The following ATAD2B variants were observed in gnomAD, a reference collection of about 807,000 sequenced individuals.
ATAD2B encodes the protein ATPase family AAA domain containing 2B, also known as ATPase family AAA domain-containing protein 2B.
In ATAD2B, 40 loss-of-function variants were observed where a neutral mutation model predicts 167.6. The ratio of observed to expected loss-of-function variants is 0.24; its 90% CI spans 0.19 to 0.31. The LOEUF (loss-of-function observed/expected upper bound fraction) is 0.31, where lower values mean the gene tolerates loss of function less well. Ranked by LOEUF, ATAD2B falls within the 10% of genes least tolerant of loss-of-function variation. ATAD2B has a pLI of 1.00. For synonymous variants in ATAD2B, 579 were observed against 596.5 expected, an observed-to-expected ratio of 0.97 and a Z score of 0.43; for missense variants, 1,242 against 1,757.2, an observed-to-expected ratio of 0.71 and a Z score of 5.24.
At chr2:23,732,802 C>T in the ATAD2B span, among the ~76,000 whole-genome samples, 1 of 152,286 alleles carries the variant, frequency 6.6e-6, no homozygotes, top group East Asian at 1.9e-4. Flanking sequence ...TATCACTCCT[C>T]TTTCCCATCT....
At chr2:23,725,705 C>T in the ATAD2B span, among the ~76,000 whole-genome samples, 56 of 152,064 alleles carry the variant, frequency 3.7e-4, no homozygotes, top group African/African-American at 1.3e-3. Context: ...CGAAAGAATC[C>T]AGAGGAATAA....
At chr2:23,878,012 AAG>A (rs1491035495) in intron 7 of ATAD2B, among the ~76,000 whole-genome samples, 4,382 of 79,724 alleles carry the variant, frequency 0.055, 815 homozygotes, top group South Asian at 0.079. Context: ...CCTATCTCCA[AAG>A]AAAAAAAAAA....
At chr2:23,754,446 A>C (rs1675717175) in intron 26 of ATAD2B, 139 bp from the exon 27 acceptor site, 6 of 1,151,488 alleles carry the variant, frequency 5.2e-6, no homozygotes, top group Non-Finnish European at 7.2e-6. Context: ...TTGAGGGCTT[A>C]AAATCATTCC....
At chr2:23,807,964 ATATAT>A (rs1441188845) in intron 18 of ATAD2B, among the ~76,000 whole-genome samples, 1 of 129,440 alleles carries the variant, frequency 7.7e-6, no homozygotes, top group African/African-American at 3.0e-5. Context: ...TTTATAATAT[ATATAT>A]TATAAATATA....
intron 13 of ATAD2B, among the ~76,000 whole-genome samples, chr2:23,836,385 G>A (rs1689974718): frequency 6.6e-6 from 1 of 152,138 alleles, no homozygotes; most frequent in Admixed American, 6.5e-5. Flanking sequence ...CACAGCCCTG[G>A]CTCAGGGAGC....
intron 24 of ATAD2B, 113 bp downstream of exon 24, chr2:23,762,096 G>T: frequency 9.1e-7 from 1 of 1,094,636 alleles, no homozygotes; most frequent in South Asian, 1.9e-5. Context: ...TCTGAAAAGA[G>T]ATTAAAAGAG....
At chr2:23,841,555 G>A (rs1370227788) in intron 13 of ATAD2B, among the ~76,000 whole-genome samples, 1 of 152,020 alleles carries the variant, frequency 6.6e-6, no homozygotes, top group Non-Finnish European at 1.5e-5. Context: ...TCACTCTGTT[G>A]CCCAGGCTGG....
chr2:23,715,372 G>C, the ATAD2B span, among the ~76,000 whole-genome samples: 1 of 152,096 alleles, frequency 6.6e-6, no homozygotes. Flanking sequence ...AGGAGATCGA[G>C]ACCATCCTGG....
chr2:23,781,643 C>T (rs1176824231), intron 22 of ATAD2B, among the ~76,000 whole-genome samples: 12 of 151,490 alleles, frequency 7.9e-5, no homozygotes, highest in Admixed American at 7.9e-4. Context: ...CCAACTGGGG[C>T]AACAGACGGA....
At chr2:23,756,824 T>C (rs1365480246) in intron 25 of ATAD2B, among the ~76,000 whole-genome samples, 1 of 152,194 alleles carries the variant, frequency 6.6e-6, no homozygotes, top group African/African-American at 2.4e-5. Context: ...CCTTAGTATG[T>C]GCCAGTTACC....
intron 11 of ATAD2B, among the ~76,000 whole-genome samples, chr2:23,863,938 AT>A: frequency 6.6e-6 from 1 of 152,328 alleles, no homozygotes; most frequent in South Asian, 2.1e-4. Context: ...TTAGAACAAA[AT>A]CTGAATAAAA....
chr2:23,839,316 G>A (rs1185618181), intron 13 of ATAD2B, among the ~76,000 whole-genome samples: 1 of 152,072 alleles, frequency 6.6e-6, no homozygotes, highest in Admixed American at 6.5e-5. Context: ...AAACATGCTT[G>A]TCATATTCCC....
chr2:23,786,175 C>T lies in ATAD2B; in HGVS notation c.2825G>A (p.Arg942His), dbSNP rs779453172. The T allele has an allele frequency of 1.4e-5, 22 of 1,595,314 alleles. No homozygotes were observed. The highest frequency in any genetic ancestry group is 2.3e-5 in the East Asian group (1 of 44,334). ...VLPLALPSPP[R>H]QLSESEKSRM... ...ACTTTTTTCTGATTCTGATAATTGA[C>T]GAGGTGGAGAAGGTAGTGCAAGAGG... is the stretch of plus-strand genomic sequence containing the variant. The change falls in exon 21 of 28, where the codon CGT becomes CAT. Residue 942 changes from arginine (R) to histidine (H), a missense_variant. Physicochemically the swap from Arg to His is conservative, Grantham distance 29. Around this residue, in one of 9 missense-constraint regions of ATAD2B, gnomAD observed 204 missense variants for 324.0 expected, o/e 0.63. Coordinates refer to ENST00000238789, the MANE Select transcript of ATAD2B (RefSeq NM_017552.4).
At chr2:23,902,039 CTGT>C (rs1323264467) in intron 1 of ATAD2B, among the ~76,000 whole-genome samples, 1 of 152,130 alleles carries the variant, frequency 6.6e-6, no homozygotes, top group Admixed American at 6.6e-5. Context: ...ATTTCTCAAA[CTGT>C]TGTTTACATA....
At chr2:23,923,713 A>G (rs2150719063) in intron 1 of ATAD2B, among the ~76,000 whole-genome samples, 1 of 152,344 alleles carries the variant, frequency 6.6e-6, no homozygotes, top group South Asian at 2.1e-4. Flanking sequence ...TAATCGGCAG[A>G]ATGCATATTT....
chr2:23,706,089 G>A, the ATAD2B span, among the ~76,000 whole-genome samples: 12 of 152,092 alleles, frequency 7.9e-5, no homozygotes, highest in Admixed American at 2.0e-4. Flanking sequence ...ATTCTCTCTC[G>A]TCATTCTTGT....
chr2:23,766,959 C>T (rs11692134), intron 22 of ATAD2B, among the ~76,000 whole-genome samples: 10,232 of 151,056 alleles, frequency 0.068, 440 homozygotes, highest in Middle Eastern at 0.12. Context: ...CAGAAAATAC[C>T]ATGTGAGAAA....
the ATAD2B span, among the ~76,000 whole-genome samples, chr2:23,735,828 C>A: frequency 1.3e-5 from 2 of 152,184 alleles, no homozygotes; most frequent in African/African-American, 4.8e-5. Context: ...AACTCCATCA[C>A]CTCCAAGCAC....
intron 17 of ATAD2B, among the ~76,000 whole-genome samples, chr2:23,813,815 C>A (rs1015210265): frequency 6.6e-6 from 1 of 151,958 alleles, no homozygotes; most frequent in Non-Finnish European, 1.5e-5. Context: ...GGATTCAGGT[C>A]ATTTCACAGC....
Sources: gnomAD v4.1 joint callset for allele counts (sites outside exome capture counted in the v4.1 genomes callset) on GRCh38, gnomAD v4.1.1 for gene constraint, gnomAD v4.1.1 regional missense constraint, MANE v1.5 for transcripts, NCBI Gene and HGNC (gene_info 2026-07-23, HGNC 2026-07-21) for gene names.